The following AEBP2 variants were observed in gnomAD, a reference collection of about 807,000 sequenced individuals.
AEBP2 encodes the protein zinc finger protein AEBP2.
Under a neutral mutation model 50.8 loss-of-function variants are expected in AEBP2, and 10 were observed. The ratio of observed to expected loss-of-function variants is 0.20; its 90% confidence interval spans 0.12 to 0.33. The LOEUF is 0.33. Ranked by LOEUF, AEBP2 falls within the 10% of genes least tolerant of loss-of-function variation. The pLI is 1.00. For synonymous variants in AEBP2, 296 were observed against 261.3 expected (o/e 1.13, Z -1.28); for missense variants, 570 against 688.0 (o/e 0.83, Z 1.92).
At chr12:19,417,862 G>A (rs939788198) in intron 1 of AEBP2, among the ~76,000 whole-genome samples, 4 of 151,208 alleles carry the variant, frequency 2.6e-5, no homozygotes, top group South Asian at 2.1e-4. Flanking sequence ...GTGCCACCAC[G>A]CCCAGCTATT....
chr12:19,428,586 C>T (rs1449683788), intron 1 of AEBP2, among the ~76,000 whole-genome samples: 3 of 152,014 alleles, frequency 2.0e-5, no homozygotes, highest in South Asian at 2.1e-4. Flanking sequence ...CTGAGGTGGG[C>T]GGATCACCTG....
chr12:19,429,824 T>G (rs1388628168), intron 1 of AEBP2, among the ~76,000 whole-genome samples: 1 of 144,414 alleles, frequency 6.9e-6, no homozygotes, highest in Non-Finnish European at 1.5e-5. Flanking sequence ...TTGATGGGAG[T>G]TTTTTTTTTT....
intron 5 of AEBP2, among the ~76,000 whole-genome samples, chr12:19,502,560 T>C (rs1949096849): frequency 2.6e-5 from 4 of 152,202 alleles, no homozygotes; most frequent in Admixed American, 2.0e-4. Context: ...ACCGTTTTTA[T>C]TTTTGTCAAC....
chr12:19,514,577 C>G (rs1949291474), intron 6 of AEBP2, 94 bp from the exon 7 acceptor site: 1 of 971,368 alleles, frequency 1.0e-6, no homozygotes, highest in Non-Finnish European at 1.5e-6. Context: ...GTGGACTGAT[C>G]AAAGTAGCAG....
At chr12:19,422,479 C>T (rs2095746317) in intron 1 of AEBP2, among the ~76,000 whole-genome samples, 1 of 139,904 alleles carries the variant, frequency 7.1e-6, no homozygotes, top group South Asian at 2.4e-4. Flanking sequence ...AAGTAATTAG[C>T]AAAAGGGATG....
chr12:19,447,106 C>G (rs1312495764), intron 1 of AEBP2, among the ~76,000 whole-genome samples: 1 of 152,150 alleles, frequency 6.6e-6, no homozygotes, highest in African/African-American at 2.4e-5. Flanking sequence ...CAGGAGACTT[C>G]CTGCCAACAT....
intron 3 of AEBP2, among the ~76,000 whole-genome samples, chr12:19,482,633 G>C (rs1948746909): frequency 2.0e-5 from 3 of 152,160 alleles, no homozygotes; most frequent in Non-Finnish European, 4.4e-5. Flanking sequence ...AAGTATTTTG[G>C]CTTCTGGCGA....
In AEBP2 at chr12:19,473,372, A is replaced by T; in HGVS notation, c.987+17A>T. Reference sequence around the variant, plus strand: ...CCTTTCAAGGTAAGGATGCATGTATATAAAATTTATTTATTTATTTATTTA... The same window carrying T: ...CCTTTCAAGGTAAGGATGCATGTATTTAAAATTTATTTATTTATTTATTTA... On this transcript the variant is annotated intron_variant, in intron 3 of 7. Coordinates refer to ENST00000266508, the MANE Select transcript of AEBP2 (RefSeq NM_153207.5). 1 of 810,768 alleles carries T rather than the reference A, an allele frequency of 1.2e-6. No homozygotes were observed. 50.2% of individuals were successfully genotyped at this position (810,768 alleles called of 1,614,324 possible).
intron 3 of AEBP2, among the ~76,000 whole-genome samples, chr12:19,487,881 A>C (rs16915524): frequency 0.052 from 7,908 of 152,206 alleles, 246 homozygotes; most frequent in East Asian, 0.073. Flanking sequence ...CTAGAAGTTA[A>C]ATATTAATGC....
At chr12:19,435,129 G>T (rs1412858296), upstream of AEBP2, among the ~76,000 whole-genome samples, 1 of 149,378 alleles carries the variant, frequency 6.7e-6, no homozygotes, top group East Asian at 2.0e-4. Flanking sequence ...ATACCTGTCA[G>T]AACTTTTTTT....
intron 1 of AEBP2, among the ~76,000 whole-genome samples, chr12:19,407,022 T>C (rs2095736659): frequency 6.6e-6 from 1 of 152,156 alleles, no homozygotes; most frequent in African/African-American, 2.4e-5. Flanking sequence ...AATGTAAAGA[T>C]TGGGCATGGT....
chr12:19,457,620 A>G, intron 1 of AEBP2: 2 of 1,463,788 alleles, frequency 1.4e-6, no homozygotes, highest in Non-Finnish European at 1.8e-6. Context: ...AATGACGACA[A>G]TGTGGATATG....
chr12:19,462,167 T>A (rs915488237), intron 1 of AEBP2, among the ~76,000 whole-genome samples: 6 of 152,138 alleles, frequency 3.9e-5, no homozygotes, highest in African/African-American at 1.4e-4. Context: ...TTTCTTATGC[T>A]TCTTTGAACT....
At chr12:19,457,355 T>G (rs1281008100) in intron 1 of AEBP2, 3 of 1,454,832 alleles carry the variant, frequency 2.1e-6, no homozygotes, top group Non-Finnish European at 2.8e-6. Flanking sequence ...TCTCTGTGGT[T>G]AAGTCTCTGT....
chr12:19,499,233 G>T (rs1949031153), intron 4 of AEBP2, among the ~76,000 whole-genome samples: 1 of 152,166 alleles, frequency 6.6e-6, no homozygotes, highest in Non-Finnish European at 1.5e-5. Context: ...AGCTTTGGTG[G>T]ACTGATCGGC....
At chr12:19,462,899 A>G (rs772019926) in intron 2 of AEBP2, among the ~76,000 whole-genome samples, 182 bp downstream of exon 2, 2 of 152,184 alleles carry the variant, frequency 1.3e-5, no homozygotes, top group African/African-American at 2.4e-5. Flanking sequence ...AAAATAGGGT[A>G]TGTGCTGGAT....
At position 19,518,632 on chromosome 12, in the gene AEBP2, T is replaced by C. The variant is rs774798626; in HGVS notation, c.*515T>C. 11 of 1,424,430 alleles carry C rather than the reference T, an allele frequency of 7.7e-6. No homozygotes were observed. In the African/African-American group the frequency reaches 1.4e-4, roughly 18 times the overall value. 88.2% of individuals were successfully genotyped at this position (1,424,430 alleles called of 1,614,324 possible). On this transcript the variant is annotated 3_prime_UTR_variant, in exon 8 of 8. Transcript: ENST00000266508. ...CAAGAGATAATTTACCTTTCAATTA[T>C]GATAAATAGATGTGATTGGTTGCCA...
intron 4 of AEBP2, among the ~76,000 whole-genome samples, chr12:19,494,786 GATAGAAAATAA>G (rs1283432621): frequency 2.6e-5 from 4 of 152,138 alleles, no homozygotes; most frequent in African/African-American, 9.7e-5. Context: ...TGATGTTTAG[GATAGAAAATAA>G]GTAGATGATA....
At position 19,424,337 on chromosome 12, in the gene AEBP2, A is replaced by G. The variant is rs547316257; in HGVS notation, c.-17+20121A>G. Among the ~76,000 whole-genome samples the G allele has an allele frequency of 2.6e-5, 4 of 152,320 alleles. No individual in the cohort carries two copies. The East Asian group carries it at 5.8e-4, about 22-fold the overall frequency. On this transcript the variant is annotated intron_variant, in intron 1 of 3. Transcript: ENST00000538425. ...CAGTGTTGAACACACAGTAGAGGAC[A>G]TGAAAGATGATGGGATCAAGATGCA...
Sources: allele counts gnomAD v4.1 joint callset (sites outside exome capture counted in the v4.1 genomes callset), GRCh38; gene constraint gnomAD v4.1.1; transcripts MANE v1.5; gene names NCBI Gene and HGNC (gene_info 2026-07-23, HGNC 2026-07-21).